Variants in ANKS3 observed in about 807,000 individuals in gnomAD.
ANKS3 encodes ankyrin repeat and SAM domain-containing protein 3.
A neutral mutation model predicts 80.7 loss-of-function variants in ANKS3; 62 were observed. The ratio of observed to expected loss-of-function variants is 0.77; its 90% CI spans 0.63 to 0.95. The LOEUF is 0.95. ANKS3 is among the 40% of genes least tolerant of loss of function. The pLI is 0.00. For synonymous variants in ANKS3, 489 were observed against 355.3 expected (o/e 1.38, Z -4.23); for missense variants, 1,150 against 883.6 (o/e 1.30, Z -3.82).
intron 6 of ANKS3, among the ~76,000 whole-genome samples, chr16:4,720,699 G>A (rs1015874331): frequency 6.6e-6 from 1 of 151,200 alleles, no homozygotes; most frequent in Admixed American, 6.6e-5. Context: ...TCAGCACTTT[G>A]GGAGGCCAAA....
intron 2 of ANKS3, among the ~76,000 whole-genome samples, chr16:4,730,413 C>G (rs1352067930): frequency 6.6e-6 from 1 of 152,194 alleles, no homozygotes; most frequent in Non-Finnish European, 1.5e-5. Context: ...AGTACCTGCT[C>G]CTCCTTCCAA....
chr16:4,730,843 C>T (rs2081578103), intron 2 of ANKS3, among the ~76,000 whole-genome samples: 1 of 151,624 alleles, frequency 6.6e-6, no homozygotes, highest in Admixed American at 6.6e-5. Flanking sequence ...CAGAGCAAGA[C>T]TTTGTCTCCA....
At chr16:4,719,136 A>C (rs2080954705) in intron 6 of ANKS3, among the ~76,000 whole-genome samples, 1 of 151,976 alleles carries the variant, frequency 6.6e-6, no homozygotes, top group African/African-American at 2.4e-5. Context: ...GGAGTTTGAG[A>C]CCAGCCTAAG....
chr16:4,729,808 CTCTT>C, intron 3 of ANKS3, 168 bp downstream of exon 3: 1 of 606,244 alleles, frequency 1.6e-6, no homozygotes, highest in East Asian at 3.1e-5. Context: ...TAAAAACGGC[CTCTT>C]TGTCAGGGCT....
chr16:4,716,419 G>A (rs976437848), intron 6 of ANKS3, among the ~76,000 whole-genome samples: 76 of 150,380 alleles, frequency 5.1e-4, no homozygotes, highest in African/African-American at 1.8e-3. Flanking sequence ...CCACCCATAC[G>A]GCAACTGTCT....
Position 4,721,007 on chromosome 16 carries a change from A to G in ANKS3, c.573+3743T>C, listed in dbSNP as rs371762369. On this transcript the variant is annotated intron_variant, in intron 6 of 17. Coordinates refer to ENST00000304283, the MANE Select transcript of ANKS3 (RefSeq NM_133450.4). ...AGGGAATACCATGCCACCATAAAAAAAAAAAAAAAAAAGAGAGGCCAGGCA... is the reference window on the plus strand; with the variant it reads ...AGGGAATACCATGCCACCATAAAAAGAAAAAAAAAAAAGAGAGGCCAGGCA... 3.5e-3 allele frequency among the ~76,000 whole-genome samples: 525 copies of G among 150,160 alleles called. 5 individuals carry two copies. The highest frequency in any genetic ancestry group is 0.012 in the African/African-American group (500 of 41,326).
At chr16:4,701,377 G>A (rs1006604664) in intron 10 of ANKS3, 57 bp downstream of exon 10, 8 of 1,487,912 alleles carry the variant, frequency 5.4e-6, no homozygotes, top group Non-Finnish European at 7.3e-6. Flanking sequence ...ACTGGGGGAT[G>A]TCAGGCATCC....
intron 6 of ANKS3, among the ~76,000 whole-genome samples, chr16:4,718,509 C>T (rs940543401): frequency 1.3e-5 from 2 of 152,214 alleles, no homozygotes; most frequent in East Asian, 3.8e-4. Flanking sequence ...CCTTTCCTCC[C>T]CTAGCAAAGA....
intron 16 of ANKS3, 28 bp downstream of exon 16, chr16:4,697,305 C>G: frequency 1.3e-6 from 2 of 1,582,168 alleles, no homozygotes; most frequent in Non-Finnish European, 1.7e-6. Flanking sequence ...AAAAGGAGCG[C>G]TCAGTCGTCT....
chr16:4,714,214 G>A (rs540911334), intron 6 of ANKS3, 28 bp from the exon 7 acceptor site: 34 of 1,611,850 alleles, frequency 2.1e-5, no homozygotes, highest in Non-Finnish European at 2.8e-5. Context: ...AGGGGGTTAG[G>A]GGCCTCTCCT....
chr16:4,733,415 C>A (rs2081768927), intron 1 of ANKS3, among the ~76,000 whole-genome samples: 1 of 151,870 alleles, frequency 6.6e-6, no homozygotes. Flanking sequence ...CCTCAGCTTC[C>A]CGAGTAGCTG....
rs1278121405 is a variant in ANKS3 at position 4,720,357 on chromosome 16, G to C, written c.573+4393C>G. On this transcript the variant is annotated intron_variant, in intron 6 of 17. Coordinates refer to ENST00000304283, the MANE Select transcript of ANKS3 (RefSeq NM_133450.4). ...AGTGCCTACAGTCCCAGCTACTCGG[G>C]AGGCTGAGGCAGGAAAATCGCTTGA... Among the ~76,000 whole-genome samples the C allele has an allele frequency of 2.7e-5, 4 of 150,694 alleles. 1 individual carries two copies. The highest frequency in any genetic ancestry group is 5.9e-5 in the Non-Finnish European group (4 of 67,490).
chr16:4,704,193 C>G (rs1684615), intron 8 of ANKS3, among the ~76,000 whole-genome samples: 3 of 151,944 alleles, frequency 2.0e-5, no homozygotes, highest in Admixed American at 6.5e-5. Context: ...GTCTCCAGTT[C>G]CCAACCCAGC....
At chr16:4,698,776 C>G (rs770272434) in intron 13 of ANKS3, 24 bp downstream of exon 13, 3 of 1,583,538 alleles carry the variant, frequency 1.9e-6, no homozygotes, top group Non-Finnish European at 2.6e-6. Context: ...ACCCTGCCCC[C>G]CCATCCCCCA....
chr16:4,714,273 A>C, intron 6 of ANKS3, 87 bp from the exon 7 acceptor site: 4 of 1,550,658 alleles, frequency 2.6e-6, no homozygotes, highest in Non-Finnish European at 3.5e-6. Flanking sequence ...ACAGAAGGGC[A>C]TATGCTGGTT....
At chr16:4,720,381 G>A (rs1333011670) in intron 6 of ANKS3, among the ~76,000 whole-genome samples, 1 of 150,378 alleles carries the variant, frequency 6.6e-6, no homozygotes, top group Non-Finnish European at 1.5e-5. Flanking sequence ...AAAATCGCTT[G>A]AACCTGGGAG....
At position 4,734,016 on chromosome 16, in the gene ANKS3, C is replaced by T. The variant is rs2081815245; in HGVS notation, c.-149G>A. 1.0e-5 allele frequency: 10 copies of T among 985,396 alleles called. No individual in the cohort carries two copies. Among genetic ancestry groups the T allele is most frequent in the Non-Finnish European group, 1.1e-5 (9 of 829,860 alleles). The allele number at this position is 985,396 out of a possible 1,614,324, so 61.0% of individuals were successfully genotyped here. A position where few individuals can be genotyped will look rare whatever the true frequency, so the allele number is the denominator to read the frequency against. On this transcript the variant is annotated 5_prime_UTR_variant, in exon 1 of 18. In the 5' UTR this introduces an upstream ATG that the reference lacks. Coordinates refer to ENST00000304283, the MANE Select transcript of ANKS3 (RefSeq NM_133450.4). ...CGCACAGGGCATTACTGTGCCCCCACCACAACCACATAAAGAAAATGTGGG... is the reference window on the plus strand; with the variant it reads ...CGCACAGGGCATTACTGTGCCCCCATCACAACCACATAAAGAAAATGTGGG...
chr16:4,700,760 T>G (rs763956087), intron 11 of ANKS3: 9 of 775,196 alleles, frequency 1.2e-5, no homozygotes, highest in Non-Finnish European at 1.8e-5. Context: ...ACAGGTCCTT[T>G]CCGTGGAGAG....
chr16:4,731,060 G>A (rs2081590233), intron 2 of ANKS3, among the ~76,000 whole-genome samples: 1 of 152,154 alleles, frequency 6.6e-6, no homozygotes, highest in Non-Finnish European at 1.5e-5. Context: ...CATGCAACAC[G>A]TGAATGAATT....
Sources: allele counts gnomAD v4.1 joint callset (sites outside exome capture counted in the v4.1 genomes callset), GRCh38; gene constraint gnomAD v4.1.1; transcripts MANE v1.5; gene names NCBI Gene and HGNC (gene_info 2026-07-23, HGNC 2026-07-21).